Variants in CLIP1 observed in about 807,000 individuals in gnomAD.
CLIP1 encodes the protein CAP-Gly domain containing linker protein 1, also known as CAP-Gly domain-containing linker protein 1.
CLIP1 carries 66 observed loss-of-function variants against 161.6 expected under a neutral mutation model. The observed-to-expected ratio is 0.41, with a 90% CI of 0.33 to 0.50. The LOEUF (loss-of-function observed/expected upper bound fraction) is 0.50, where lower values mean the gene tolerates loss of function less well. Among genes scored for constraint, CLIP1 ranks in the 20% least tolerant of loss-of-function variants. The pLI is 0.27. For missense variants in CLIP1, 1,376 were observed against 1,702.0 expected (o/e 0.81, Z 3.37); for synonymous variants, 598 against 626.2 (o/e 0.96, Z 0.67).
At chr12:122,299,424 A>G (rs1226430802) in intron 20 of CLIP1, among the ~76,000 whole-genome samples, 1 of 151,952 alleles carries the variant, frequency 6.6e-6, no homozygotes, top group East Asian at 1.9e-4. Flanking sequence ...CCCTTGGACC[A>G]TTTCCTAAAC....
intron 24 of CLIP1, 180 bp downstream of exon 24, chr12:122,277,974 G>T: frequency 1.6e-6 from 1 of 637,480 alleles, no homozygotes; most frequent in Non-Finnish European, 2.8e-6. Context: ...GAGAAGGTTT[G>T]GAGGAAGACA....
At chr12:122,378,411 T>C (rs961913650) in intron 2 of CLIP1, among the ~76,000 whole-genome samples, 1 of 152,196 alleles carries the variant, frequency 6.6e-6, no homozygotes, top group African/African-American at 2.4e-5. Flanking sequence ...TGTTTTGTGC[T>C]GTTTTGTTTT....
chr12:122,289,002 G>C (rs1955981613), intron 20 of CLIP1, among the ~76,000 whole-genome samples: 1 of 150,966 alleles, frequency 6.6e-6, no homozygotes, highest in African/African-American at 2.4e-5. Context: ...TTTTTTAGTA[G>C]AGACGGGTTT....
At chr12:122,398,144 G>A (rs554024955) in intron 1 of CLIP1, among the ~76,000 whole-genome samples, 23 of 151,788 alleles carry the variant, frequency 1.5e-4, no homozygotes, top group Non-Finnish European at 2.5e-4. Flanking sequence ...GACTGGGCTT[G>A]GTGGCTCATG....
At chr12:122,404,449 A>T (rs566526623) in intron 1 of CLIP1, among the ~76,000 whole-genome samples, 4 of 152,256 alleles carry the variant, frequency 2.6e-5, no homozygotes, top group Non-Finnish European at 5.9e-5. Flanking sequence ...AAATATAAAA[A>T]TTAGCTAGAA....
At chr12:122,354,192 C>T (rs1465989453) in intron 7 of CLIP1, among the ~76,000 whole-genome samples, 6 of 151,738 alleles carry the variant, frequency 4.0e-5, no homozygotes, top group East Asian at 1.9e-4. Flanking sequence ...CTCAGGAGTT[C>T]GAGACCAGCC....
At chr12:122,326,299 AC>A (rs1951709251) in intron 17 of CLIP1, among the ~76,000 whole-genome samples, 5 of 151,912 alleles carry the variant, frequency 3.3e-5, no homozygotes, top group Admixed American at 3.3e-4. Flanking sequence ...ACCTTGTGAG[AC>A]TGGCCAGGAA....
At chr12:122,321,010 A>ACT (rs1951478884) in intron 17 of CLIP1, among the ~76,000 whole-genome samples, 1 of 144,946 alleles carries the variant, frequency 6.9e-6, no homozygotes, top group Non-Finnish European at 1.5e-5. Context: ...ACCCGGTGAG[A>ACT]CTCTGTCTTA....
chr12:122,376,499 C>T (rs1180057419), intron 3 of CLIP1, among the ~76,000 whole-genome samples: 1 of 152,078 alleles, frequency 6.6e-6, no homozygotes, highest in Non-Finnish European at 1.5e-5. Flanking sequence ...CAGAGTCTCG[C>T]TCTGTCTCCT....
At chr12:122,404,043 G>A (rs1956232425) in intron 1 of CLIP1, among the ~76,000 whole-genome samples, 1 of 152,198 alleles carries the variant, frequency 6.6e-6, no homozygotes, top group African/African-American at 2.4e-5. Flanking sequence ...AGAATACCCG[G>A]TAAGCGCATG....
At position 122,309,650 on chromosome 12, in the gene CLIP1, T is replaced by C. The variant is rs534128842; in HGVS notation, c.3594+112A>G. The C allele has an allele frequency of 3.9e-6, 5 of 1,292,038 alleles. No homozygotes were observed. The East Asian group carries it at 1.2e-4, about 30-fold the overall frequency. 80.0% of individuals were successfully genotyped at this position (1,292,038 alleles called of 1,614,324 possible). The stretch of plus-strand genomic sequence containing the variant: ...TAGCACAGGTAACTTGGAATTCCAT[T>C]TGGAATGACCCCACCACACTGAGCA... On this transcript the variant is annotated intron_variant, in intron 20 of 25. Transcript: ENST00000620786.
chr12:122,386,462 C>T (rs969856400), intron 1 of CLIP1, among the ~76,000 whole-genome samples: 1 of 152,146 alleles, frequency 6.6e-6, no homozygotes, highest in African/African-American at 2.4e-5. Flanking sequence ...GGAGCAGGTA[C>T]ACCATTGTTA....
intron 5 of CLIP1, among the ~76,000 whole-genome samples, chr12:122,356,783 G>A (rs1474776691): frequency 2.0e-5 from 3 of 152,016 alleles, no homozygotes; most frequent in African/African-American, 7.2e-5. Context: ...GATTGCAGGC[G>A]CGCGCCGCCA....
intron 3 of CLIP1, among the ~76,000 whole-genome samples, chr12:122,369,613 G>A (rs1566184041): frequency 6.6e-6 from 1 of 151,518 alleles, no homozygotes; most frequent in Non-Finnish European, 1.5e-5. Context: ...TTAAATTCTG[G>A]GCAGGGAGAA....
At chr12:122,274,712 G>A (rs1368368727) in intron 24 of CLIP1, 2 of 152,298 alleles carry the variant, frequency 1.3e-5, no homozygotes, top group Admixed American at 1.3e-4. Context: ...GCTGATTTTT[G>A]TATTTTTAGT....
Position 122,380,371 on chromosome 12 carries a change from C to A in CLIP1, c.82G>T (p.Ala28Ser). 1 of 1,610,568 alleles carries A rather than the reference C, an allele frequency of 6.2e-7. No homozygotes were observed. Among genetic ancestry groups the A allele is most frequent in the South Asian group, 1.1e-5 (1 of 90,682 alleles). Residue 28 changes from alanine to serine, a missense_variant, in exon 2 of 26, where the codon GCT (alanine) becomes TCT (serine). Ala to Ser is a moderately conservative substitution (Grantham distance 99, BLOSUM62 1). Coordinates refer to ENST00000620786, the MANE Select transcript of CLIP1 (RefSeq NM_001247997.2). ...PGSTALKTPT[A>S]VVAPVEKTIS... ...AAGGAAAAGCGTAAAGTATTACCAG[C>A]CGTAGGTGTCTTCAGAGCTGTGCTT...
chr12:122,285,629 G>A (rs1185307291), intron 21 of CLIP1, among the ~76,000 whole-genome samples: 3 of 147,134 alleles, frequency 2.0e-5, no homozygotes, highest in Non-Finnish European at 4.5e-5. Flanking sequence ...GTGAGCCACC[G>A]CACCCGACCT....
At chr12:122,348,813 G>A (rs1952875133) in intron 9 of CLIP1, among the ~76,000 whole-genome samples, 1 of 152,120 alleles carries the variant, frequency 6.6e-6, no homozygotes, top group Non-Finnish European at 1.5e-5. Context: ...AATGACAACA[G>A]ACTCTAAACA....
chr12:122,315,459 A>G (rs753743066), intron 19 of CLIP1, among the ~76,000 whole-genome samples: 8 of 152,188 alleles, frequency 5.3e-5, no homozygotes, highest in Non-Finnish European at 1.2e-4. Context: ...AATGTCTGAA[A>G]ATGCCAATCT....
Sources: allele counts gnomAD v4.1 joint callset (sites outside exome capture counted in the v4.1 genomes callset), GRCh38; gene constraint gnomAD v4.1.1; transcripts MANE v1.5; gene names NCBI Gene and HGNC (gene_info 2026-07-23, HGNC 2026-07-21).